The following VIRMA variants were observed in gnomAD, a reference collection of about 807,000 sequenced individuals.
VIRMA encodes the protein protein virilizer homolog.
In VIRMA, 65 loss-of-function variants were observed where a neutral mutation model predicts 182.4. That is an observed-to-expected ratio of 0.36 (90% CI 0.29 to 0.44). VIRMA has a LOEUF of 0.44. Ranked by LOEUF, VIRMA falls within the 20% of genes least tolerant of loss-of-function variation. The pLI, the probability that VIRMA is intolerant of heterozygous loss-of-function variation, is 1.00. For missense variants in VIRMA, 1,752 were observed against 2,158.1 expected (o/e 0.81, Z 3.73); for synonymous variants, 709 against 743.1 (o/e 0.95, Z 0.75).
chr8:94,524,880 G>T (rs1011427981), intron 8 of VIRMA, among the ~76,000 whole-genome samples: 1 of 152,158 alleles, frequency 6.6e-6, no homozygotes, highest in African/African-American at 2.4e-5. Flanking sequence ...ACCATTCACT[G>T]GTTCCTAAAA....
At chr8:94,507,967 GTGTATATA>G (rs943002285) in intron 15 of VIRMA, among the ~76,000 whole-genome samples, 1 of 141,444 alleles carries the variant, frequency 7.1e-6, no homozygotes, top group African/African-American at 3.0e-5. Context: ...ATATACATAT[GTGTATATA>G]TGTATATATG....
chr8:94,505,098 G>A (rs1213355375), intron 16 of VIRMA, among the ~76,000 whole-genome samples: 1 of 152,150 alleles, frequency 6.6e-6, no homozygotes, highest in African/African-American at 2.4e-5. Context: ...TAGGAAAAAG[G>A]TTAAAGGCTT....
chr8:94,519,473 A>G lies in VIRMA; in HGVS notation c.2025T>C (p.Tyr675=), dbSNP rs186292207. 9.1e-5 allele frequency: 138 copies of G among 1,521,784 alleles called. No homozygotes were observed. In the Middle Eastern group the frequency reaches 1.2e-3, roughly 14 times the overall value. The allele number at this position is 1,521,784 out of a possible 1,614,324, so 94.3% of individuals were successfully genotyped here. A position where few individuals can be genotyped will look rare whatever the true frequency, so the allele number is the denominator to read the frequency against. The change falls in exon 9 of 24, where the codon TAT becomes TAC. Residue 675 remains tyrosine, a synonymous_variant. Transcript: ENST00000297591. ...RDDPYPVLFR[Y]LHSHHFLELV... The stretch of plus-strand genomic sequence containing the variant: ...ACTCCAAGAAGTGATGACTGTGAAG[A>G]TATCTGTGGAAGAGTTAATTGATAC...
chr8:94,500,655 CTTT>C (rs11312961), intron 16 of VIRMA, among the ~76,000 whole-genome samples: 21 of 126,684 alleles, frequency 1.7e-4, no homozygotes, highest in South Asian at 2.5e-4. Flanking sequence ...TCGGTAGTTT[CTTT>C]TTTTTTTTTT....
intron 14 of VIRMA, among the ~76,000 whole-genome samples, 199 bp from the exon 15 acceptor site, chr8:94,510,139 T>C (rs1586078394): frequency 6.6e-6 from 1 of 152,338 alleles, no homozygotes; most frequent in South Asian, 2.1e-4. Context: ...TAATATATTT[T>C]CTTAAATCAG....
chr8:94,544,780 T>C (rs1443264434), intron 1 of VIRMA, among the ~76,000 whole-genome samples: 1 of 152,160 alleles, frequency 6.6e-6, no homozygotes, highest in Non-Finnish European at 1.5e-5. Context: ...GTAAGTTTTT[T>C]GCCATTTTTG....
At chr8:94,526,141 C>G in intron 8 of VIRMA, 82 bp downstream of exon 8, 1 of 1,085,136 alleles carries the variant, frequency 9.2e-7, no homozygotes, top group Non-Finnish European at 1.3e-6. Context: ...TACCTACAAT[C>G]AGATAAAAAG....
At position 94,510,485 on chromosome 8, in the gene VIRMA, G is replaced by A. The variant is rs151184723; in HGVS notation, c.3558C>T (p.Asp1186=). The A allele has an allele frequency of 9.3e-6, 15 of 1,613,918 alleles. No homozygotes were observed. Among genetic ancestry groups the A allele is most frequent in the Non-Finnish European group, 1.3e-5 (15 of 1,180,002 alleles). Residue 1186 remains aspartate, a synonymous_variant, in exon 14 of 24, where the codon GAC becomes GAT. Coordinates refer to ENST00000297591, the MANE Select transcript of VIRMA (RefSeq NM_015496.5). Reference sequence around the variant, plus strand: ...TCAGAAGTGCAGTTGGTGAGGCAAGGTCACACAATTGAACACAAATACGCC... The same window carrying A: ...TCAGAAGTGCAGTTGGTGAGGCAAGATCACACAATTGAACACAAATACGCC... ...MLRRICVQLC[D]LASPTALLIM... is the part of the protein sequence containing the mutation.
Position 94,526,300 on chromosome 8 carries a change from T to C in VIRMA, c.1944A>G (p.Gln648=). Reference sequence around the variant, plus strand: ...CCATCGTTGGGAAAGACTTAACAGGTTGTTGGATCATTGTATGAGGGGCAG... The same window carrying C: ...CCATCGTTGGGAAAGACTTAACAGGCTGTTGGATCATTGTATGAGGGGCAG... ...METAPHTMIQ[Q]PVKSFPTMAR... Residue 648 remains glutamine (Q), a synonymous_variant, in exon 8 of 24, where the codon CAA becomes CAG. Transcript: ENST00000297591. 6.2e-7 allele frequency: 1 copy of C among 1,614,050 alleles called. No individual in the cohort carries two copies. The highest frequency in any genetic ancestry group is 1.3e-5 in the African/African-American group (1 of 75,038).
In VIRMA at chr8:94,526,573, G is replaced by A. The variant is rs2130348549; in HGVS notation, c.1671C>T (p.Cys557=). Residue 557 remains cysteine, a synonymous_variant, in exon 8 of 24, where the codon TGC becomes TGT. Transcript: ENST00000297591. ...TCTCTGACAAGACTTCATAGAAATGGCATTTTTGGAGAATAGCTGAACCAG... is the reference window on the plus strand; with the variant it reads ...TCTCTGACAAGACTTCATAGAAATGACATTTTTGGAGAATAGCTGAACCAG... ...VTAGSAILQK[C]HFYEVLSEIK... 1.9e-6 allele frequency: 3 copies of A among 1,613,752 alleles called. No homozygotes were observed. The highest frequency in any genetic ancestry group is 4.5e-5 in the East Asian group (2 of 44,876).
chr8:94,490,816 C>A (rs1367790364), intron 22 of VIRMA, among the ~76,000 whole-genome samples: 1 of 151,810 alleles, frequency 6.6e-6, no homozygotes, highest in Non-Finnish European at 1.5e-5. Context: ...CATTGCACTC[C>A]AGCCTGGGCA....
intron 8 of VIRMA, among the ~76,000 whole-genome samples, chr8:94,521,728 T>C (rs1471433818): frequency 6.6e-6 from 1 of 152,184 alleles, no homozygotes; most frequent in Non-Finnish European, 1.5e-5. Flanking sequence ...TGAAACTGCT[T>C]CTTCAGTCCT....
intron 11 of VIRMA, among the ~76,000 whole-genome samples, chr8:94,514,165 G>C (rs888907039): frequency 5.5e-4 from 84 of 152,178 alleles, no homozygotes; most frequent in African/African-American, 1.9e-3. Context: ...CCTGCGAAAT[G>C]AGAGAGATAA....
At chr8:94,540,785 G>C (rs76176033) in intron 2 of VIRMA, among the ~76,000 whole-genome samples, 3,948 of 151,868 alleles carry the variant, frequency 0.026, 183 homozygotes, top group African/African-American at 0.091. Flanking sequence ...CTTTAAACTA[G>C]ACCTTGGACT....
intron 1 of VIRMA, among the ~76,000 whole-genome samples, chr8:94,550,123 G>A (rs1333550054): frequency 2.0e-5 from 3 of 151,196 alleles, no homozygotes; most frequent in Non-Finnish European, 4.4e-5. Context: ...ACTGATGGAA[G>A]GACCAGAGAT....
At position 94,512,519 on chromosome 8, in the gene VIRMA, A is replaced by G. The variant is rs766472487; in HGVS notation, c.2752-430T>C. ...AGGCTGAGTGCAGTGGCTCACACCT[A>G]TAATTCCAGCACTCTGAGAGGTTGA... is the stretch of plus-strand genomic sequence containing the variant. On this transcript the variant is annotated intron_variant, in intron 11 of 23. Transcript: ENST00000297591. 4 of 152,520 alleles carry G rather than the reference A, an allele frequency of 2.6e-5. No homozygotes were observed. In the South Asian group the frequency reaches 6.2e-4, roughly 24 times the overall value. 9.4% of individuals were successfully genotyped at this position (152,520 alleles called of 1,614,324 possible). A position where few individuals can be genotyped will look rare whatever the true frequency, so the allele number is the denominator to read the frequency against.
intron 15 of VIRMA, among the ~76,000 whole-genome samples, chr8:94,507,884 T>C (rs943287289): frequency 3.3e-5 from 5 of 149,956 alleles, no homozygotes; most frequent in Non-Finnish European, 5.9e-5. Flanking sequence ...TATATATACA[T>C]GTATATATGT....
At position 94,501,593 on chromosome 8, in the gene VIRMA, A is replaced by G. The variant is rs557687665; in HGVS notation, c.4098-2087T>C. Among the ~76,000 whole-genome samples, 13 of 152,350 alleles carry G rather than the reference A, an allele frequency of 8.5e-5. No homozygotes were observed. In the South Asian group the frequency reaches 2.7e-3, roughly 32 times the overall value. Reference sequence around the variant, plus strand: ...ATAGATAATGAGAGCTGAATTTCTCACTGTTAGAGAATAAAATAATCAAGA... The same window carrying G: ...ATAGATAATGAGAGCTGAATTTCTCGCTGTTAGAGAATAAAATAATCAAGA... On this transcript the variant is annotated intron_variant, in intron 16 of 23. Transcript: ENST00000297591.
At position 94,492,682 on chromosome 8, in the gene VIRMA, T is replaced by C; in HGVS notation, c.4778A>G (p.Lys1593Arg). Residue 1593 changes from lysine to arginine, a missense_variant, in exon 21 of 24, where the codon AAG (lysine) becomes AGG (arginine). Physicochemically the swap from Lys to Arg is conservative, Grantham distance 26. This residue lies in a region of VIRMA where 777 missense variants were observed against 920.6 expected (regional missense o/e 0.84). Transcript: ENST00000297591. Reference protein sequence around the residue: ...TKTTKGFKLGKHKHETFITSS... With the variant: ...TKTTKGFKLGRHKHETFITSS... The stretch of plus-strand genomic sequence containing the variant: ...CGTTATAAAGGTCTCATGCTTGTGC[T>C]TCCCAAGTTTGAATCCTTTAGTAGT... 1 of 1,613,968 alleles carries C rather than the reference T, an allele frequency of 6.2e-7. No individual in the cohort carries two copies. Among genetic ancestry groups the C allele is most frequent in the Non-Finnish European group, 8.5e-7 (1 of 1,179,912 alleles).
Sources: gnomAD v4.1 joint callset for allele counts (sites outside exome capture counted in the v4.1 genomes callset) on GRCh38, gnomAD v4.1.1 for gene constraint, gnomAD v4.1.1 regional missense constraint, MANE v1.5 for transcripts, NCBI Gene and HGNC (gene_info 2026-07-23, HGNC 2026-07-21) for gene names.